The following GALK2 variants were observed in gnomAD, a reference collection of about 807,000 sequenced individuals.
The protein encoded by GALK2 is galactokinase 2.
In GALK2, 36 loss-of-function variants were observed where a neutral mutation model predicts 52.4. The observed-to-expected ratio is 0.69, with a 90% confidence interval of 0.53 to 0.91. GALK2 has a LOEUF of 0.91. Among genes scored for constraint, GALK2 ranks in the 40% least tolerant of loss-of-function variants. The pLI is 0.00. For synonymous variants in GALK2, 176 were observed against 199.1 expected (o/e 0.88, Z 0.98); for missense variants, 579 against 559.1 (o/e 1.04, Z -0.36).
chr15:49,157,457 G>A (rs1392524208), intron 1 of GALK2, among the ~76,000 whole-genome samples: 1 of 152,174 alleles, frequency 6.6e-6, no homozygotes, highest in Non-Finnish European at 1.5e-5. Context: ...TGGAATAATT[G>A]TCTTTACAGT....
At chr15:49,231,931 T>C (rs917062939) in intron 3 of GALK2, among the ~76,000 whole-genome samples, 1 of 152,206 alleles carries the variant, frequency 6.6e-6, no homozygotes, top group African/African-American at 2.4e-5. Flanking sequence ...GGCTTTTACA[T>C]GTGCATGGTA....
chr15:49,338,787 T>C (rs1457385666), intron 3 of GALK2, among the ~76,000 whole-genome samples: 1 of 152,220 alleles, frequency 6.6e-6, no homozygotes, highest in Non-Finnish European at 1.5e-5. Flanking sequence ...TTTGGTCTTT[T>C]CACATAGTCC....
intron 3 of GALK2, among the ~76,000 whole-genome samples, chr15:49,361,679 C>T (rs529077186): frequency 6.6e-6 from 1 of 152,202 alleles, no homozygotes; most frequent in South Asian, 2.1e-4. Context: ...CTTATCTTTA[C>T]TATTGTGAAT....
intron 3 of GALK2, among the ~76,000 whole-genome samples, chr15:49,341,984 AGAT>A (rs1468834643): frequency 6.6e-6 from 1 of 152,188 alleles, no homozygotes; most frequent in African/African-American, 2.4e-5. Flanking sequence ...TTCTGTGTGC[AGAT>A]GATAGCAATG....
At chr15:49,361,209 T>A (rs2044173123) in intron 3 of GALK2, among the ~76,000 whole-genome samples, 1 of 152,202 alleles carries the variant, frequency 6.6e-6, no homozygotes, top group Non-Finnish European at 1.5e-5. Flanking sequence ...AAAATTAATT[T>A]AAAAAACTTA....
chr15:49,273,790 G>A (rs901256732), intron 5 of GALK2, among the ~76,000 whole-genome samples: 2 of 152,130 alleles, frequency 1.3e-5, no homozygotes, highest in African/African-American at 4.8e-5. Context: ...GGTGGAGAAG[G>A]ATTATAGAGG....
At chr15:49,217,130 C>T in intron 2 of GALK2, 60 bp from the exon 3 acceptor site, 1 of 1,482,824 alleles carries the variant, frequency 6.7e-7, no homozygotes. Flanking sequence ...TGTAAACTTT[C>T]TTGAGGTGCT....
chr15:49,260,854 T>G (rs1274502637), intron 5 of GALK2, among the ~76,000 whole-genome samples: 1 of 152,176 alleles, frequency 6.6e-6, no homozygotes, highest in Non-Finnish European at 1.5e-5. Flanking sequence ...TTTTCTCAGG[T>G]TTGTCAAATA....
At chr15:49,294,491 G>C (rs2034275431) in intron 8 of GALK2, among the ~76,000 whole-genome samples, 4 of 152,172 alleles carry the variant, frequency 2.6e-5, no homozygotes, top group Non-Finnish European at 5.9e-5. Context: ...TAGGTAATGT[G>C]GGAGGTAATC....
At position 49,268,268 on chromosome 15, in the gene GALK2, T is replaced by A. The variant is rs76431670; in HGVS notation, c.505-13719T>A. Among the ~76,000 whole-genome samples, 118 of 152,248 alleles carry A rather than the reference T, an allele frequency of 7.8e-4. 1 individual carries two copies. In the East Asian group the frequency reaches 0.019, roughly 25 times the overall value. On this transcript the variant is annotated intron_variant, in intron 5 of 9. Transcript: ENST00000560031. ...GATAAATGTTATGAAGGAAACAGAT[T>A]ATGAGAGAGAACAGGGAGAACCCAA... is the stretch of plus-strand genomic sequence containing the variant.
rs567020017 is a variant in GALK2, at chr15:49,284,841, G to A, written c.756+1123G>A. ...ATATCTGCATCTCCTGTCAAAGCCAGCCCTTCCATGTGTGGCTGCAGGGAA... is the reference window on the plus strand; with the variant it reads ...ATATCTGCATCTCCTGTCAAAGCCAACCCTTCCATGTGTGGCTGCAGGGAA... On this transcript the variant is annotated intron_variant, in intron 7 of 9. Transcript: ENST00000560031. Among the ~76,000 whole-genome samples the A allele has an allele frequency of 3.3e-5, 5 of 152,156 alleles. No homozygotes were observed. In the East Asian group the frequency reaches 9.6e-4, roughly 29 times the overall value.
chr15:49,352,318 T>C (rs1021703286), intron 3 of GALK2, among the ~76,000 whole-genome samples: 11 of 152,230 alleles, frequency 7.2e-5, no homozygotes, highest in Non-Finnish European at 4.4e-5. Context: ...GCAGTGAACA[T>C]TGATGCTATC....
In GALK2 at chr15:49,200,213, A is replaced by G. The variant is rs560938010; in HGVS notation, c.54-949A>G. 1.2e-4 allele frequency among the ~76,000 whole-genome samples: 18 copies of G among 152,280 alleles called. No homozygotes were observed. The South Asian group carries it at 3.7e-3, about 32-fold the overall frequency. ...TGGATCTGGAAGGGACCTATGAGGA[A>G]TATCTAGTTCAAATTCTCAAATTTT... On this transcript the variant is annotated intron_variant, in intron 1 of 9. Coordinates refer to ENST00000560031, the MANE Select transcript of GALK2 (RefSeq NM_002044.4).
intron 5 of GALK2, among the ~76,000 whole-genome samples, chr15:49,257,572 TTTTG>T (rs1329563312): frequency 4.2e-4 from 64 of 152,326 alleles, no homozygotes; most frequent in African/African-American, 1.5e-3. Context: ...AAGTTAGAGT[TTTTG>T]TTTATCAGAA....
chr15:49,214,156 ATC>A (rs1825643571), intron 2 of GALK2, among the ~76,000 whole-genome samples: 1 of 152,056 alleles, frequency 6.6e-6, no homozygotes, highest in South Asian at 2.1e-4. Flanking sequence ...CTTTTTTTGT[ATC>A]TGTTACAGGT....
chr15:49,183,091 T>C (rs1243433997), intron 1 of GALK2, among the ~76,000 whole-genome samples: 1 of 152,148 alleles, frequency 6.6e-6, no homozygotes, highest in African/African-American at 2.4e-5. Context: ...TTCCCCAATG[T>C]TTTTTGTTTA....
At chr15:49,343,065 T>C (rs1335237877) in intron 3 of GALK2, among the ~76,000 whole-genome samples, 2 of 152,198 alleles carry the variant, frequency 1.3e-5, no homozygotes, top group African/African-American at 2.4e-5. Context: ...TGTCTACCTC[T>C]CTAACAAGAT....
At chr15:49,255,969 G>A (rs888071904) in intron 5 of GALK2, among the ~76,000 whole-genome samples, 1 of 151,976 alleles carries the variant, frequency 6.6e-6, no homozygotes, top group African/African-American at 2.4e-5. Flanking sequence ...ACTAAGCTTG[G>A]AATAAACTGT....
At chr15:49,342,941 C>G (rs2040954560) in intron 3 of GALK2, among the ~76,000 whole-genome samples, 1 of 152,080 alleles carries the variant, frequency 6.6e-6, no homozygotes, top group Non-Finnish European at 1.5e-5. Context: ...TCTCTAGCTG[C>G]TTTTAAGATT....
Sources: allele counts gnomAD v4.1 joint callset (sites outside exome capture counted in the v4.1 genomes callset), GRCh38; gene constraint gnomAD v4.1.1; transcripts MANE v1.5; gene names NCBI Gene and HGNC (gene_info 2026-07-23, HGNC 2026-07-21).